Variants in CCSER1 observed in about 807,000 individuals in gnomAD.
CCSER1 encodes the protein serine-rich coiled-coil domain-containing protein 1.
CCSER1 carries 41 observed loss-of-function variants against 82.0 expected under a neutral mutation model. That is an observed-to-expected ratio of 0.50 (90% confidence interval 0.39 to 0.65). CCSER1 has a LOEUF of 0.65. Among genes scored for constraint, CCSER1 ranks in the 30% least tolerant of loss-of-function variants. The pLI is 0.00. For synonymous variants in CCSER1, 414 were observed against 383.9 expected, an observed-to-expected ratio of 1.08 and a Z score of -0.92; for missense variants, 1,119 against 1,064.2, an observed-to-expected ratio of 1.05 and a Z score of -0.72.
intron 10 of CCSER1, among the ~76,000 whole-genome samples, chr4:91,549,572 C>A (rs1762062879): frequency 6.6e-6 from 1 of 152,128 alleles, no homozygotes; most frequent in Non-Finnish European, 1.5e-5. Flanking sequence ...CAAGGTGGCT[C>A]AAGTGTGTAA....
intron 9 of CCSER1, among the ~76,000 whole-genome samples, chr4:91,061,553 T>C (rs2148737321): frequency 6.6e-6 from 1 of 152,092 alleles, no homozygotes; most frequent in Non-Finnish European, 1.5e-5. Context: ...TTTATTTTTT[T>C]CTGTCTAACT....
intron 5 of CCSER1, among the ~76,000 whole-genome samples, chr4:90,515,989 AC>A (rs1450518383): frequency 1.3e-4 from 20 of 152,152 alleles, no homozygotes; most frequent in South Asian, 4.1e-4. Context: ...ATTTAATAAA[AC>A]AGAAATGGCT....
In CCSER1 at chr4:91,507,992, C is replaced by CTA. The variant is rs749844066; in HGVS notation, c.2218-90562_2218-90561dup. Among the ~76,000 whole-genome samples the CTA allele has an allele frequency of 9.8e-3, 936 of 95,648 alleles. 9 individuals carry two copies. Among genetic ancestry groups the CTA allele is most frequent in the African/African-American group, 0.018 (457 of 25,770 alleles). 62.7% of individuals were successfully genotyped at this position (95,648 alleles called of 152,430 possible). A position where few individuals can be genotyped will look rare whatever the true frequency, so the allele number is the denominator to read the frequency against. On this transcript the variant is annotated intron_variant, in intron 10 of 10. Coordinates refer to ENST00000509176, the MANE Select transcript of CCSER1 (RefSeq NM_001145065.2). ...CTCTTCATCAATTTCTTAGGATTTT[C>CTA]TATATATATATATATATATGAAATT...
chr4:91,278,102 T>A (rs1018041766), intron 10 of CCSER1, among the ~76,000 whole-genome samples: 2 of 152,102 alleles, frequency 1.3e-5, no homozygotes, highest in African/African-American at 2.4e-5. Context: ...TCCTAACATA[T>A]GGCCTGGAGA....
intron 7 of CCSER1, among the ~76,000 whole-genome samples, chr4:90,740,148 T>C (rs1252526626): frequency 6.6e-6 from 1 of 152,200 alleles, no homozygotes; most frequent in Non-Finnish European, 1.5e-5. Context: ...CAAAGAATTA[T>C]GTTTTTTAAA....
At chr4:90,856,107 A>T (rs1347542778) in intron 8 of CCSER1, among the ~76,000 whole-genome samples, 1 of 152,082 alleles carries the variant, frequency 6.6e-6, no homozygotes, top group African/African-American at 2.4e-5. Flanking sequence ...ATTCAACTCA[A>T]TTTGGTTATT....
intron 10 of CCSER1, among the ~76,000 whole-genome samples, chr4:91,238,733 CA>C (rs1310334987): frequency 1.3e-5 from 2 of 152,142 alleles, no homozygotes; most frequent in Non-Finnish European, 2.9e-5. Context: ...CATGCCATTT[CA>C]AAAGCTGGTG....
intron 7 of CCSER1, chr4:90,727,063 G>A (rs1743783856): frequency 5.8e-6 from 2 of 343,358 alleles, no homozygotes; most frequent in South Asian, 2.4e-5. Context: ...TGATACTGAG[G>A]AGTTTCTAGG....
chr4:90,509,021 G>A (rs1346055811), intron 5 of CCSER1, among the ~76,000 whole-genome samples: 1 of 151,912 alleles, frequency 6.6e-6, no homozygotes, highest in Non-Finnish European at 1.5e-5. Context: ...ATATGTGTGT[G>A]TAAATAAATA....
chr4:90,920,694 CTG>C (rs1437142794), intron 8 of CCSER1, among the ~76,000 whole-genome samples: 1 of 151,868 alleles, frequency 6.6e-6, no homozygotes, highest in Non-Finnish European at 1.5e-5. Context: ...TCCGTGGTAA[CTG>C]TATTTTACCT....
At chr4:90,347,242 A>T (rs1742507448) in intron 3 of CCSER1, among the ~76,000 whole-genome samples, 1 of 152,208 alleles carries the variant, frequency 6.6e-6, no homozygotes, top group African/African-American at 2.4e-5. Context: ...TTTATAAGGA[A>T]CTAATTTCAC....
intron 4 of CCSER1, among the ~76,000 whole-genome samples, chr4:90,431,510 C>G (rs550223270): frequency 1.3e-4 from 20 of 152,180 alleles, no homozygotes; most frequent in African/African-American, 3.9e-4. Flanking sequence ...CCTATGTCAG[C>G]TTCCTACTCA....
At chr4:91,082,788 C>CA (rs1722922209) in intron 9 of CCSER1, among the ~76,000 whole-genome samples, 1 of 152,138 alleles carries the variant, frequency 6.6e-6, no homozygotes. Context: ...GACATTTATG[C>CA]AGCCAAAAGA....
At chr4:91,183,181 T>C (rs1734210579) in intron 10 of CCSER1, among the ~76,000 whole-genome samples, 1 of 152,210 alleles carries the variant, frequency 6.6e-6, no homozygotes, top group Non-Finnish European at 1.5e-5. Flanking sequence ...CTGTATGTAA[T>C]AGTAACTGAG....
chr4:90,410,076 G>A (rs963111980), intron 4 of CCSER1, among the ~76,000 whole-genome samples: 4 of 152,074 alleles, frequency 2.6e-5, no homozygotes, highest in Non-Finnish European at 5.9e-5. Context: ...AACAAGAAGA[G>A]GTAATTATCC....
chr4:90,309,086 G>T lies in CCSER1; in HGVS notation c.802G>T (p.Val268Leu), dbSNP rs781700475. 5.0e-6 allele frequency: 8 copies of T among 1,613,778 alleles called. No individual in the cohort carries two copies. In the East Asian group the frequency reaches 1.8e-4, roughly 36 times the overall value. ...ATTTTTAGCCTTGACTGAAGATTCTGTGTCTGAAATGGATGCATTTTCTAA... is the reference window on the plus strand; with the variant it reads ...ATTTTTAGCCTTGACTGAAGATTCTTTGTCTGAAATGGATGCATTTTCTAA... ...SEFLALTEDS[V>L]SEMDAFSKSG... Residue 268 changes from valine (V) to leucine (L), a missense_variant, in exon 2 of 11, where the codon GTG becomes TTG. By Grantham distance (32) the Val-to-Leu change is conservative. Transcript: ENST00000509176.
intron 5 of CCSER1, among the ~76,000 whole-genome samples, chr4:90,564,859 C>T (rs746600280): frequency 2.6e-5 from 4 of 151,800 alleles, no homozygotes; most frequent in Admixed American, 1.3e-4. Context: ...TTGGGGCTCC[C>T]TATTCTGTTC....
chr4:91,157,921 T>A (rs558907036), intron 10 of CCSER1, among the ~76,000 whole-genome samples: 1 of 152,038 alleles, frequency 6.6e-6, no homozygotes, highest in African/African-American at 2.4e-5. Context: ...CTTCAGGCAA[T>A]AAGAGGGTCT....
At chr4:91,158,805 G>T (rs1731085888) in intron 10 of CCSER1, among the ~76,000 whole-genome samples, 1 of 151,914 alleles carries the variant, frequency 6.6e-6, no homozygotes, top group African/African-American at 2.4e-5. Context: ...TCAATCAGGT[G>T]AATCACACAA....
Sources: gnomAD v4.1 joint callset for allele counts (sites outside exome capture counted in the v4.1 genomes callset) on GRCh38, gnomAD v4.1.1 for gene constraint, MANE v1.5 for transcripts, NCBI Gene and HGNC (gene_info 2026-07-23, HGNC 2026-07-21) for gene names.